Variants in PCNX1 observed in about 807,000 individuals in gnomAD.
The protein encoded by PCNX1 is pecanex-like protein 1.
PCNX1 carries 78 observed loss-of-function variants against 242.2 expected under a neutral mutation model. The ratio of observed to expected loss-of-function variants is 0.32; its 90% CI spans 0.27 to 0.39. The LOEUF (loss-of-function observed/expected upper bound fraction) is 0.39, where lower values mean the gene tolerates loss of function less well. Ranked by LOEUF, PCNX1 falls within the 10% of genes least tolerant of loss-of-function variation. The probability of loss-of-function intolerance (pLI) is 1.00; values close to 1 mark genes in which losing one functional copy is unlikely to be tolerated. For synonymous variants in PCNX1, 1,024 were observed against 1,032.9 expected, an observed-to-expected ratio of 0.99 and a Z score of 0.17; for missense variants, 2,581 against 2,856.5, an observed-to-expected ratio of 0.90 and a Z score of 2.20.
intron 2 of PCNX1, among the ~76,000 whole-genome samples, chr14:70,959,017 C>CAAAA (rs34761560): frequency 1.3e-4 from 10 of 78,184 alleles, no homozygotes; most frequent in African/African-American, 4.0e-4. Flanking sequence ...CAGATAATAG[C>CAAAA]AAAAAAAAAA....
chr14:71,042,208 A>C (rs1349005317), intron 19 of PCNX1, among the ~76,000 whole-genome samples: 2 of 152,162 alleles, frequency 1.3e-5, no homozygotes, highest in Non-Finnish European at 2.9e-5. Context: ...GTGCAGACTA[A>C]GTCTGATATT....
At chr14:71,003,203 C>T (rs2059560944) in intron 8 of PCNX1, among the ~76,000 whole-genome samples, 1 of 150,882 alleles carries the variant, frequency 6.6e-6, no homozygotes, top group African/African-American at 2.4e-5. Flanking sequence ...CCTACCTCAG[C>T]CCCGCAAGTA....
intron 26 of PCNX1, among the ~76,000 whole-genome samples, chr14:71,064,914 A>G (rs2061411602): frequency 6.6e-6 from 1 of 152,222 alleles, no homozygotes; most frequent in Non-Finnish European, 1.5e-5. Flanking sequence ...GACAGTTTCC[A>G]GTTCCATCCA....
chr14:70,976,879 T>C, intron 5 of PCNX1, 63 bp from the exon 6 acceptor site: 1 of 1,397,442 alleles, frequency 7.2e-7, no homozygotes, highest in African/African-American at 1.4e-5. Flanking sequence ...CTTTCCATTG[T>C]TAAACAGTAG....
At chr14:70,959,711 G>A (rs904765028) in intron 2 of PCNX1, among the ~76,000 whole-genome samples, 9 of 150,902 alleles carry the variant, frequency 6.0e-5, no homozygotes, top group Admixed American at 2.6e-4. Flanking sequence ...TGTCTTTATA[G>A]CAGCATGATT....
At chr14:71,051,096 A>AG (rs1396975959) in intron 23 of PCNX1, among the ~76,000 whole-genome samples, 1 of 134,242 alleles carries the variant, frequency 7.4e-6, no homozygotes, top group Non-Finnish European at 1.5e-5. Context: ...TGAATCCAGG[A>AG]GGTAGAGGTT....
At chr14:71,052,711 A>G (rs4902873) in intron 24 of PCNX1, among the ~76,000 whole-genome samples, 24,071 of 152,080 alleles carry the variant, frequency 0.16, 2,479 homozygotes, top group African/African-American at 0.28. Flanking sequence ...CTAAATTTTT[A>G]TAGGTTATTT....
intron 1 of PCNX1, among the ~76,000 whole-genome samples, chr14:70,927,569 CTCTT>C (rs1191073182): frequency 2.0e-5 from 3 of 151,394 alleles, no homozygotes; most frequent in East Asian, 1.9e-4. Flanking sequence ...TTCATTCTCT[CTCTT>C]TTATTTATTT....
rs1049909590 is a variant in PCNX1, at chr14:70,968,996, T to G, written c.515-25T>G. 4 of 1,376,628 alleles carry G rather than the reference T, an allele frequency of 2.9e-6. No individual in the cohort carries two copies. The Admixed American group carries it at 6.7e-5, about 23-fold the overall frequency. 85.3% of individuals were successfully genotyped at this position (1,376,628 alleles called of 1,614,324 possible). On this transcript the variant is annotated intron_variant, in intron 4 of 35. Coordinates refer to ENST00000304743, the MANE Select transcript of PCNX1 (RefSeq NM_014982.3). ...CAGCCTTACTGTTAATATAAGGTCC[T>G]CACATGTTTCTCTTAACTTTGTAGG...
chr14:71,019,295 G>A (rs1166439101), intron 12 of PCNX1, 133 bp downstream of exon 12: 3 of 668,816 alleles, frequency 4.5e-6, no homozygotes, highest in African/African-American at 3.7e-5. Flanking sequence ...ACATAAGATT[G>A]TGTAGAGAGC....
intron 13 of PCNX1, 69 bp from the exon 14 acceptor site, chr14:71,026,048 A>C: frequency 1.1e-6 from 1 of 928,996 alleles, no homozygotes. Flanking sequence ...TAAAGCCATC[A>C]GTGATACCAG....
At chr14:71,057,770 C>T in intron 26 of PCNX1, 46 bp downstream of exon 26, 1 of 1,273,624 alleles carries the variant, frequency 7.9e-7, no homozygotes, top group Non-Finnish European at 1.1e-6. Flanking sequence ...ACTCCTGTGG[C>T]ACCTTAGTTT....
chr14:71,061,405 T>C (rs1177787565), intron 26 of PCNX1, among the ~76,000 whole-genome samples: 2 of 152,208 alleles, frequency 1.3e-5, no homozygotes, highest in African/African-American at 4.8e-5. Context: ...AAGATTGTGC[T>C]TATTGTTGAT....
intron 28 of PCNX1, among the ~76,000 whole-genome samples, chr14:71,082,224 C>T (rs779354433): frequency 1.2e-4 from 18 of 151,916 alleles, no homozygotes; most frequent in Admixed American, 2.0e-4. Flanking sequence ...TCTGAGAGAC[C>T]GTTTGTTTTG....
intron 28 of PCNX1, among the ~76,000 whole-genome samples, chr14:71,083,404 G>C (rs1033966219): frequency 2.0e-5 from 3 of 152,262 alleles, no homozygotes; most frequent in East Asian, 3.9e-4. Flanking sequence ...GGCCTGTCTT[G>C]CTAGGCTGGG....
At chr14:71,029,060 A>G (rs1057240664) in intron 16 of PCNX1, among the ~76,000 whole-genome samples, 1 of 152,144 alleles carries the variant, frequency 6.6e-6, no homozygotes, top group African/African-American at 2.4e-5. Context: ...CTCATCTGGT[A>G]TAAGGGTAGG....
chr14:71,032,055 A>G lies in PCNX1; in HGVS notation c.3559-1374A>G. The stretch of plus-strand genomic sequence containing the variant: ...GGTTTAAGAGTGGAAAGATTAATAG[A>G]CAAAGAAGAAGAGAGAGAGAGAGAA... On this transcript the variant is annotated intron_variant, in intron 16 of 35. Coordinates refer to ENST00000304743, the MANE Select transcript of PCNX1 (RefSeq NM_014982.3). 5.5e-6 allele frequency: 4 copies of G among 729,166 alleles called. No individual in the cohort carries two copies. The Admixed American group carries it at 6.2e-5, about 11-fold the overall frequency. The allele number at this position is 729,166 out of a possible 1,614,324, so 45.2% of individuals were successfully genotyped here.
rs143303534 is a variant in PCNX1 at position 70,922,984 on chromosome 14, C to A, written c.153+14981C>A. ...AAGTATCTGTTTCCTTTTGTTTGTA[C>A]CAACATTGGTTATTATGAATCTTTC... is the stretch of plus-strand genomic sequence containing the variant. On this transcript the variant is annotated intron_variant, in intron 1 of 35. Coordinates refer to ENST00000304743, the MANE Select transcript of PCNX1 (RefSeq NM_014982.3). Among the ~76,000 whole-genome samples, 929 of 152,140 alleles carry A rather than the reference C, an allele frequency of 6.1e-3. 23 individuals are homozygous for A. Among genetic ancestry groups the A allele is most frequent in the Admixed American group, 0.053 (816 of 15,270 alleles).
At chr14:71,022,660 A>T (rs1039421838) in intron 12 of PCNX1, among the ~76,000 whole-genome samples, 3 of 152,168 alleles carry the variant, frequency 2.0e-5, no homozygotes, top group Non-Finnish European at 4.4e-5. Context: ...GGAAGTTAAT[A>T]AAATCTCTTA....
Sources: gnomAD v4.1 joint callset for allele counts (sites outside exome capture counted in the v4.1 genomes callset) on GRCh38, gnomAD v4.1.1 for gene constraint, MANE v1.5 for transcripts, NCBI Gene and HGNC (gene_info 2026-07-23, HGNC 2026-07-21) for gene names.